MTF2: variants seen among roughly 807,000 people sequenced by gnomAD.
MTF2 encodes metal response element binding transcription factor 2.
MTF2 carries 11 observed loss-of-function variants against 79.5 expected under a neutral mutation model. The ratio of observed to expected loss-of-function variants is 0.14; its 90% confidence interval spans 0.09 to 0.23. The LOEUF is 0.23. Among genes scored for constraint, MTF2 ranks in the 10% least tolerant of loss-of-function variants. The pLI, the probability that MTF2 is intolerant of heterozygous loss-of-function variation, is 1.00. For missense variants in MTF2, 486 were observed against 711.2 expected (o/e 0.68, Z 3.60); for synonymous variants, 208 against 232.8 (o/e 0.89, Z 0.97).
intron 11 of MTF2, 43 bp downstream of exon 11, chr1:93,129,491 T>G: frequency 7.1e-7 from 1 of 1,409,768 alleles, no homozygotes; most frequent in Non-Finnish European, 9.5e-7. Flanking sequence ...TTAGCTTATT[T>G]GTAACTAAAA....
chr1:93,094,057 G>A (rs751152585), intron 1 of MTF2, among the ~76,000 whole-genome samples: 2 of 152,050 alleles, frequency 1.3e-5, no homozygotes, highest in African/African-American at 2.4e-5. Flanking sequence ...CTTTGTAAAC[G>A]TAGTATCTTT....
At chr1:93,126,124 A>G (rs1377631708) in intron 9 of MTF2, among the ~76,000 whole-genome samples, 1 of 150,776 alleles carries the variant, frequency 6.6e-6, no homozygotes, top group Non-Finnish European at 1.5e-5. Flanking sequence ...GTGGTTTGAT[A>G]TAGGGGAATG....
chr1:93,124,002 AC>A (rs1180954888), intron 9 of MTF2, among the ~76,000 whole-genome samples: 1 of 151,994 alleles, frequency 6.6e-6, no homozygotes, highest in Non-Finnish European at 1.5e-5. Context: ...CAAAAATATT[AC>A]ACTTTTGGAG....
At chr1:93,086,552 A>T (rs990330856) in intron 1 of MTF2, among the ~76,000 whole-genome samples, 9 of 152,006 alleles carry the variant, frequency 5.9e-5, no homozygotes, top group African/African-American at 2.2e-4. Context: ...AGTAGGTACA[A>T]TATGTATGAA....
intron 3 of MTF2, among the ~76,000 whole-genome samples, chr1:93,112,549 G>A (rs973170795): frequency 6.6e-6 from 1 of 152,026 alleles, no homozygotes; most frequent in African/African-American, 2.4e-5. Context: ...CTATTTTGGT[G>A]GTTTAGCATT....
chr1:93,105,744 C>T (rs948829052), intron 1 of MTF2, among the ~76,000 whole-genome samples: 8 of 151,866 alleles, frequency 5.3e-5, no homozygotes, highest in African/African-American at 7.3e-5. Context: ...GCTGCGGTCT[C>T]GGCTCACTGC....
chr1:93,116,181 C>T (rs901746180), intron 6 of MTF2, among the ~76,000 whole-genome samples: 13 of 152,092 alleles, frequency 8.5e-5, no homozygotes, highest in Non-Finnish European at 1.6e-4. Context: ...TCTCAGCCTC[C>T]GAAGTAGCTA....
At chr1:93,121,878 C>T (rs2208044) in intron 9 of MTF2, 259,009 of 457,408 alleles carry the variant, frequency 0.57, 78,116 homozygotes, top group South Asian at 0.67. Context: ...CTCAGCTCAC[C>T]GCAACCTCCG....
chr1:93,095,189 C>T (rs905558471), intron 1 of MTF2, among the ~76,000 whole-genome samples: 1 of 152,128 alleles, frequency 6.6e-6, no homozygotes, highest in Non-Finnish European at 1.5e-5. Context: ...AGGCACATGC[C>T]ACCATGCCTG....
intron 8 of MTF2, chr1:93,120,219 CCA>C: frequency 6.3e-6 from 1 of 158,532 alleles, no homozygotes; most frequent in Non-Finnish European, 1.4e-5. Context: ...TCGCTTGAAC[CCA>C]CGGGGCGGAA....
At chr1:93,135,260 C>G (rs1020853184) in intron 14 of MTF2, among the ~76,000 whole-genome samples, 14 of 152,216 alleles carry the variant, frequency 9.2e-5, no homozygotes, top group Non-Finnish European at 7.3e-5. Context: ...GCGTGAGCCA[C>G]TTTGCCTGGC....
intron 10 of MTF2, chr1:93,129,003 C>T (rs1656816201): frequency 4.1e-6 from 1 of 244,436 alleles, no homozygotes; most frequent in Admixed American, 5.5e-5. Context: ...ATTCTTTGTT[C>T]TTCTTTCTTC....
intron 1 of MTF2, among the ~76,000 whole-genome samples, chr1:93,104,491 C>A (rs916212555): frequency 1.3e-5 from 2 of 149,498 alleles, no homozygotes; most frequent in Admixed American, 1.3e-4. Context: ...CCATTCTGGC[C>A]AACATGGTGA....
intron 9 of MTF2, among the ~76,000 whole-genome samples, chr1:93,122,225 T>A (rs1054165): frequency 0.059 from 9,031 of 152,280 alleles, 858 homozygotes; most frequent in African/African-American, 0.21. Flanking sequence ...TGTTTAAAAA[T>A]TCTTTCTAGC....
intron 1 of MTF2, among the ~76,000 whole-genome samples, chr1:93,080,799 T>G: frequency 6.6e-6 from 1 of 150,384 alleles, no homozygotes; most frequent in Non-Finnish European, 1.5e-5. Context: ...ATTTCAAAGA[T>G]AGTTGTATGT....
chr1:93,110,639 AT>A lies in MTF2; in HGVS notation c.286+16del. 6.3e-7 allele frequency: 1 copy of A among 1,579,896 alleles called. No homozygotes were observed. The highest frequency in any genetic ancestry group is 8.7e-7 in the Non-Finnish European group (1 of 1,152,100). On this transcript the variant is annotated intron_variant, in intron 3 of 14. Coordinates refer to ENST00000370298, the MANE Select transcript of MTF2 (RefSeq NM_007358.4). ...GACATTCAAACAGGCAGGTGCTACTATTTCTCTTGAACATGATTTAAATTAA... is the reference window on the plus strand; with the variant it reads ...GACATTCAAACAGGCAGGTGCTACTATTCTCTTGAACATGATTTAAATTAA...
In MTF2 at chr1:93,118,374, A is replaced by G. The variant is rs1051444513; in HGVS notation, c.662A>G (p.Lys221Arg). Residue 221 changes from lysine (K) to arginine (R), a missense_variant, in exon 7 of 15, where the codon AAA becomes AGA. By Grantham distance (26) the Lys-to-Arg change is conservative. Around this residue, in one of 4 missense-constraint regions of MTF2, gnomAD observed 177 missense variants for 364.0 expected, o/e 0.49. Coordinates refer to ENST00000370298, the MANE Select transcript of MTF2 (RefSeq NM_007358.4). ...DWYLKMLQCC[K>R]CKQWFHEACV... ...TATTTGAAGATGCTACAGTGCTGCA[A>G]ATGTAAGCAGTGGTTTCATGAGGCT... 11 of 1,601,788 alleles carry G rather than the reference A, an allele frequency of 6.9e-6. No individual in the cohort carries two copies. The highest frequency in any genetic ancestry group is 1.7e-4 in the Middle Eastern group (1 of 6,042).
chr1:93,106,946 C>A (rs1176376512), intron 1 of MTF2, among the ~76,000 whole-genome samples: 2 of 152,170 alleles, frequency 1.3e-5, no homozygotes, highest in African/African-American at 4.8e-5. Flanking sequence ...GATGATAATT[C>A]ATTGTGATTC....
At chr1:93,085,509 G>T (rs1654800854) in intron 1 of MTF2, among the ~76,000 whole-genome samples, 1 of 122,970 alleles carries the variant, frequency 8.1e-6, no homozygotes, top group Admixed American at 8.8e-5. Flanking sequence ...CATTAAAAGA[G>T]ACAGGGTCTC....
Sources: gnomAD v4.1 joint callset for allele counts (sites outside exome capture counted in the v4.1 genomes callset) on GRCh38, gnomAD v4.1.1 for gene constraint, gnomAD v4.1.1 regional missense constraint, MANE v1.5 for transcripts, NCBI Gene and HGNC (gene_info 2026-07-23, HGNC 2026-07-21) for gene names.